MYT1L: variants seen among roughly 807,000 people sequenced by gnomAD.
MYT1L encodes the protein myelin transcription factor 1 like.
In MYT1L, 12 loss-of-function variants were observed where a neutral mutation model predicts 126.7. The ratio of observed to expected loss-of-function variants is 0.09; its 90% CI spans 0.06 to 0.15. MYT1L has a LOEUF of 0.15. Ranked by LOEUF, MYT1L falls within the 10% of genes least tolerant of loss-of-function variation. MYT1L has a pLI of 1.00. For missense variants in MYT1L, 979 were observed against 1,585.2 expected (o/e 0.62, Z 6.49); for synonymous variants, 541 against 604.2 (o/e 0.90, Z 1.53).
At chr2:2,327,820 G>A (rs576802900) in intron 1 of MYT1L, among the ~76,000 whole-genome samples, 10 of 152,052 alleles carry the variant, frequency 6.6e-5, no homozygotes, top group Admixed American at 5.2e-4. Flanking sequence ...CCACAGAGGA[G>A]TTTTTTTTAA....
chr2:1,950,780 C>A (rs557638569), intron 8 of MYT1L, among the ~76,000 whole-genome samples: 100 of 152,218 alleles, frequency 6.6e-4, no homozygotes, highest in African/African-American at 2.4e-3. Flanking sequence ...GTGGGAGCTC[C>A]GGACAGTGTA....
intron 1 of MYT1L, among the ~76,000 whole-genome samples, chr2:2,297,161 A>G (rs991552786): frequency 2.0e-5 from 3 of 152,222 alleles, no homozygotes; most frequent in African/African-American, 7.2e-5. Flanking sequence ...TTTGCGACAT[A>G]GAATGCACAC....
intron 5 of MYT1L, among the ~76,000 whole-genome samples, chr2:1,996,829 C>T (rs1240636713): frequency 7.1e-6 from 1 of 140,508 alleles, no homozygotes; most frequent in Non-Finnish European, 1.5e-5. Flanking sequence ...CTGCACAGAA[C>T]CGAGTGTAGA....
At chr2:2,230,968 GC>G (rs1180183272) in intron 2 of MYT1L, among the ~76,000 whole-genome samples, 1 of 152,114 alleles carries the variant, frequency 6.6e-6, no homozygotes, top group Non-Finnish European at 1.5e-5. Context: ...CACACCACTG[GC>G]CCAGGCAGAC....
At chr2:2,159,568 C>A (rs761900134) in intron 3 of MYT1L, among the ~76,000 whole-genome samples, 1 of 152,054 alleles carries the variant, frequency 6.6e-6, no homozygotes, top group Non-Finnish European at 1.5e-5. Flanking sequence ...ACCCTCTTCA[C>A]CCACAGGCCT....
intron 3 of MYT1L, among the ~76,000 whole-genome samples, chr2:2,159,579 G>A (rs1326441706): frequency 6.6e-6 from 1 of 152,076 alleles, no homozygotes; most frequent in Non-Finnish European, 1.5e-5. Context: ...CCACAGGCCT[G>A]TGTTGAGATT....
chr2:1,956,404 G>GTCTGTCTATCTATCTA (rs1553355243), intron 8 of MYT1L, among the ~76,000 whole-genome samples: 2 of 81,660 alleles, frequency 2.4e-5, no homozygotes, highest in Admixed American at 2.1e-4. Context: ...CTATCTGTCT[G>GTCTGTCTATCTATCTA]TCTATCTATC....
At chr2:2,263,086 T>C (rs2095029679) in intron 2 of MYT1L, among the ~76,000 whole-genome samples, 1 of 151,086 alleles carries the variant, frequency 6.6e-6, no homozygotes, top group Non-Finnish European at 1.5e-5. Flanking sequence ...ACATTGAAAC[T>C]AATAACTTTA....
At chr2:1,908,387 C>T (rs369940432) in intron 13 of MYT1L, among the ~76,000 whole-genome samples, 87 of 152,014 alleles carry the variant, frequency 5.7e-4, no homozygotes, top group Admixed American at 3.5e-3. Context: ...GTGGTCAGTG[C>T]AGCCCCCGGG....
chr2:2,204,508 A>G (rs2093229070), intron 2 of MYT1L, among the ~76,000 whole-genome samples: 2 of 146,982 alleles, frequency 1.4e-5, no homozygotes, highest in Admixed American at 6.7e-5. Flanking sequence ...AACACATGAA[A>G]AAATGCTCAC....
chr2:2,295,537 T>TAGAGAGAGAGAGAGAGAGACAGACAGAC (rs1559582657), intron 1 of MYT1L, among the ~76,000 whole-genome samples: 3 of 32,526 alleles, frequency 9.2e-5, no homozygotes, highest in East Asian at 7.3e-4. Flanking sequence ...CAGAGAAAGA[T>TAGAGAGAGAGAGAGAGAGACAGACAGAC]AGAGAGAGAG....
chr2:1,935,340 T>C lies in MYT1L; in HGVS notation c.505+7642A>G, dbSNP rs1306041143. On this transcript the variant is annotated intron_variant, in intron 9 of 24. Coordinates refer to ENST00000647738, the MANE Select transcript of MYT1L (RefSeq NM_001303052.2). ...GCACAGAGAAAAAAAACACACCGTG[T>C]TTTGAAATGAGCTGTCATGATATTC... Among the ~76,000 whole-genome samples the C allele has an allele frequency of 9.2e-5, 14 of 152,270 alleles. No individual in the cohort carries two copies. In the East Asian group the frequency reaches 2.7e-3, roughly 29 times the overall value.
chr2:1,857,472 A>G (rs1172587295), intron 18 of MYT1L, among the ~76,000 whole-genome samples: 1 of 152,194 alleles, frequency 6.6e-6, no homozygotes, highest in Non-Finnish European at 1.5e-5. Flanking sequence ...TGGAGTAATA[A>G]TGCAAATGTC....
chr2:2,107,139 T>C (rs1307982027), intron 3 of MYT1L, among the ~76,000 whole-genome samples: 1 of 152,038 alleles, frequency 6.6e-6, no homozygotes, highest in Non-Finnish European at 1.5e-5. Flanking sequence ...AAGCAGTCAG[T>C]GGTGGCAAAA....
intron 1 of MYT1L, among the ~76,000 whole-genome samples, chr2:2,301,628 A>G (rs369948249): frequency 4.6e-5 from 7 of 152,022 alleles, no homozygotes; most frequent in South Asian, 2.1e-4. Context: ...CAGGAGTTCG[A>G]GACCAGCCTG....
chr2:2,215,421 TCAAAG>T (rs1175992255), intron 2 of MYT1L, among the ~76,000 whole-genome samples: 1 of 152,118 alleles, frequency 6.6e-6, no homozygotes, highest in African/African-American at 2.4e-5. Flanking sequence ...AAGGAAGCTT[TCAAAG>T]CAAAGCATAC....
chr2:2,074,320 G>T (rs1053641065), intron 3 of MYT1L, among the ~76,000 whole-genome samples: 2 of 152,124 alleles, frequency 1.3e-5, no homozygotes, highest in Non-Finnish European at 2.9e-5. Context: ...TTAATCAATA[G>T]AAAAGACACT....
intron 1 of MYT1L, among the ~76,000 whole-genome samples, chr2:2,302,620 T>C (rs990583442): frequency 7.2e-5 from 11 of 152,176 alleles, no homozygotes; most frequent in African/African-American, 2.7e-4. Context: ...GTTCTTTCCG[T>C]CCCTAGAAAG....
chr2:2,229,797 T>C (rs548790194), intron 2 of MYT1L, among the ~76,000 whole-genome samples: 148 of 152,276 alleles, frequency 9.7e-4, no homozygotes, highest in Middle Eastern at 3.4e-3. Context: ...ATGGTGTGTG[T>C]AAAACTGCAC....
Sources: gnomAD v4.1 joint callset for allele counts (sites outside exome capture counted in the v4.1 genomes callset) on GRCh38, gnomAD v4.1.1 for gene constraint, MANE v1.5 for transcripts, NCBI Gene and HGNC (gene_info 2026-07-23, HGNC 2026-07-21) for gene names.